The following GRM7 variants were observed in gnomAD, a reference collection of about 807,000 sequenced individuals.
The protein encoded by GRM7 is glutamate metabotropic receptor 7, also known as metabotropic glutamate receptor 7.
Under a neutral mutation model 84.5 loss-of-function variants are expected in GRM7, and 35 were observed. The observed-to-expected ratio is 0.41, with a 90% CI of 0.32 to 0.55. GRM7 has a LOEUF of 0.55. Ranked by LOEUF, GRM7 falls within the 20% of genes least tolerant of loss-of-function variation. The pLI, the probability that GRM7 is intolerant of heterozygous loss-of-function variation, is 0.19. For synonymous variants in GRM7, 487 were observed against 455.1 expected (o/e 1.07, Z -0.89); for missense variants, 1,003 against 1,194.6 (o/e 0.84, Z 2.36).
intron 4 of GRM7, among the ~76,000 whole-genome samples, chr3:7,320,321 C>T (rs1002187312): frequency 6.6e-6 from 1 of 151,744 alleles, no homozygotes; most frequent in African/African-American, 2.4e-5. Context: ...AAGCCTTTAG[C>T]GATGAAAACC....
At chr3:6,920,355 G>T (rs1336535522) in intron 1 of GRM7, among the ~76,000 whole-genome samples, 3 of 152,090 alleles carry the variant, frequency 2.0e-5, no homozygotes, top group Non-Finnish European at 4.4e-5. Context: ...ATGAGTTCAA[G>T]ACCAGCCTGG....
At chr3:7,408,028 A>G (rs1322783519) in intron 4 of GRM7, among the ~76,000 whole-genome samples, 2 of 152,190 alleles carry the variant, frequency 1.3e-5, no homozygotes, top group East Asian at 1.9e-4. Flanking sequence ...TATGAAGTCT[A>G]TATTATCATC....
chr3:7,278,521 C>T (rs1449236589), intron 2 of GRM7, among the ~76,000 whole-genome samples: 2 of 152,012 alleles, frequency 1.3e-5, no homozygotes, highest in African/African-American at 2.4e-5. Flanking sequence ...ACATTTTCTT[C>T]TTTTTAATTT....
intron 1 of GRM7, among the ~76,000 whole-genome samples, chr3:7,066,406 A>G (rs944115516): frequency 6.6e-6 from 1 of 152,026 alleles, no homozygotes; most frequent in African/African-American, 2.4e-5. Flanking sequence ...CTTTATGCAC[A>G]TAAACTAGAA....
At position 7,338,623 on chromosome 3, in the gene GRM7, A is replaced by G. The variant is rs568702864; in HGVS notation, c.1033+31971A>G. Among the ~76,000 whole-genome samples, 12 of 152,264 alleles carry G rather than the reference A, an allele frequency of 7.9e-5. No homozygotes were observed. In the South Asian group the frequency reaches 2.5e-3, roughly 32 times the overall value. On this transcript the variant is annotated intron_variant, in intron 4 of 9. Coordinates refer to ENST00000357716, the MANE Select transcript of GRM7 (RefSeq NM_000844.4). ...AGTTCAAACAGCATTTCATGACCAC[A>G]TGGGGGACATTCGCCCTTTGAAGTT...
chr3:7,017,575 T>C (rs1292276155), intron 1 of GRM7, among the ~76,000 whole-genome samples: 1 of 152,202 alleles, frequency 6.6e-6, no homozygotes, highest in African/African-American at 2.4e-5. Context: ...TTGATAGATA[T>C]ATTTTCCCGA....
At chr3:7,199,515 C>A (rs564368394) in intron 2 of GRM7, among the ~76,000 whole-genome samples, 5 of 152,352 alleles carry the variant, frequency 3.3e-5, no homozygotes, top group African/African-American at 1.2e-4. Context: ...ATCACTGCAG[C>A]AGTTGTCTTC....
chr3:7,548,469 G>A (rs1693279375), intron 7 of GRM7, among the ~76,000 whole-genome samples: 1 of 152,214 alleles, frequency 6.6e-6, no homozygotes, highest in Non-Finnish European at 1.5e-5. Flanking sequence ...CCAGCCTCAG[G>A]TGTTTCTCTA....
At chr3:7,591,616 A>T (rs1695784071) in intron 8 of GRM7, 1 of 351,256 alleles carries the variant, frequency 2.8e-6, no homozygotes, top group Non-Finnish European at 5.5e-6. Flanking sequence ...AACAAAAGGG[A>T]GGTGACAGTG....
chr3:7,008,380 A>C (rs1695254125), intron 1 of GRM7, among the ~76,000 whole-genome samples: 1 of 152,194 alleles, frequency 6.6e-6, no homozygotes, highest in African/African-American at 2.4e-5. Flanking sequence ...CAAATCAAAC[A>C]CTCATAACTG....
rs1017268357 is a variant in GRM7 at position 6,902,365 on chromosome 3, C to T, written c.519+40458C>T. ...GAAAAATTTTAGGCAACCACAATGT[C>T]TGGGTTAAACCTTTTTATCATTTGG... On this transcript the variant is annotated intron_variant, in intron 1 of 9. Coordinates refer to ENST00000357716, the MANE Select transcript of GRM7 (RefSeq NM_000844.4). Among the ~76,000 whole-genome samples the T allele has an allele frequency of 2.5e-4, 38 of 152,122 alleles. 1 individual carries two copies.
chr3:7,384,215 G>A (rs1237967949), intron 4 of GRM7, among the ~76,000 whole-genome samples: 1 of 152,082 alleles, frequency 6.6e-6, no homozygotes, highest in African/African-American at 2.4e-5. Context: ...TTTTAGTAGA[G>A]ACAGGGTTTC....
chr3:7,298,206 G>A (rs758446728), intron 2 of GRM7, among the ~76,000 whole-genome samples: 1 of 152,006 alleles, frequency 6.6e-6, no homozygotes, highest in Non-Finnish European at 1.5e-5. Flanking sequence ...TATTCCACTG[G>A]AATTGATCTT....
rs1694742361 is a variant in GRM7, at chr3:6,861,224, A to G, written c.-165A>G. 5.7e-6 allele frequency: 3 copies of G among 528,514 alleles called. No individual in the cohort carries two copies. The highest frequency in any genetic ancestry group is 9.1e-6 in the Non-Finnish European group (3 of 328,752). The allele number at this position is 528,514 out of a possible 1,614,324, so 32.7% of individuals were successfully genotyped here. ...GCCCCAGGCTGGCAGGCGCCGCGGGACCCCTCACCCTCTCTGGTCGCCCCT... is the reference window on the plus strand; with the variant it reads ...GCCCCAGGCTGGCAGGCGCCGCGGGGCCCCTCACCCTCTCTGGTCGCCCCT... On this transcript the variant is annotated 5_prime_UTR_variant, in exon 1 of 10. Transcript: ENST00000357716. The surrounding 1 kb of genome is among the most constrained non-coding windows in gnomAD (Gnocchi z 6.4).
intron 4 of GRM7, among the ~76,000 whole-genome samples, chr3:7,401,607 TA>T (rs1695456901): frequency 6.6e-6 from 1 of 151,948 alleles, no homozygotes; most frequent in African/African-American, 2.4e-5. Context: ...GAAAAAAAAA[TA>T]AAGCATTAGT....
chr3:7,406,651 A>T (rs1695691161), intron 4 of GRM7, among the ~76,000 whole-genome samples: 1 of 152,230 alleles, frequency 6.6e-6, no homozygotes, highest in South Asian at 2.1e-4. Context: ...GGGGCATTTT[A>T]AATCAAAGCT....
chr3:7,244,162 A>G (rs1239906170), intron 2 of GRM7, among the ~76,000 whole-genome samples: 3 of 152,100 alleles, frequency 2.0e-5, no homozygotes, highest in Non-Finnish European at 4.4e-5. Context: ...AGTTTAACTT[A>G]GCTTACAGTA....
intron 1 of GRM7, among the ~76,000 whole-genome samples, chr3:6,950,460 GC>G (rs1692702335): frequency 6.6e-6 from 1 of 152,152 alleles, no homozygotes; most frequent in African/African-American, 2.4e-5. Flanking sequence ...GTGTCAGTAC[GC>G]CCCTACTGGG....
chr3:7,035,420 G>C (rs747912174), intron 1 of GRM7, among the ~76,000 whole-genome samples: 1 of 151,890 alleles, frequency 6.6e-6, no homozygotes, highest in Non-Finnish European at 1.5e-5. Flanking sequence ...AGAGAATAGA[G>C]AATGCTATTT....
Sources: gnomAD v4.1 joint callset for allele counts (sites outside exome capture counted in the v4.1 genomes callset) on GRCh38, gnomAD v4.1.1 for gene constraint, Gnocchi (gnomAD v3.1) non-coding constraint, MANE v1.5 for transcripts, NCBI Gene and HGNC (gene_info 2026-07-23, HGNC 2026-07-21) for gene names.